PPARGC1A: variants seen among roughly 807,000 people sequenced by gnomAD.
PPARGC1A encodes peroxisome proliferator-activated receptor gamma coactivator 1-alpha.
PPARGC1A carries 25 observed loss-of-function variants against 88.7 expected under a neutral mutation model. The ratio of observed to expected loss-of-function variants is 0.28; its 90% CI spans 0.21 to 0.39. The LOEUF (loss-of-function observed/expected upper bound fraction) is 0.39, where lower values mean the gene tolerates loss of function less well. Among genes scored for constraint, PPARGC1A ranks in the 10% least tolerant of loss-of-function variants. PPARGC1A has a pLI of 1.00. For missense variants in PPARGC1A, 880 were observed against 968.7 expected, an observed-to-expected ratio of 0.91 and a Z score of 1.22; for synonymous variants, 363 against 355.6, an observed-to-expected ratio of 1.02 and a Z score of -0.24.
chr4:24,053,250 T>A, the PPARGC1A span, among the ~76,000 whole-genome samples: 1 of 151,980 alleles, frequency 6.6e-6, no homozygotes, highest in African/African-American at 2.4e-5. Flanking sequence ...AATACCTCTA[T>A]CCAGTTAACT....
the PPARGC1A span, among the ~76,000 whole-genome samples, chr4:23,936,462 C>T: frequency 4.6e-5 from 7 of 152,146 alleles, no homozygotes; most frequent in African/African-American, 1.4e-4. Flanking sequence ...TCAGAACAAG[C>T]GCAGTGGCTC....
intron 10 of PPARGC1A, among the ~76,000 whole-genome samples, chr4:23,809,463 CT>C (rs1325964041): frequency 5.3e-5 from 8 of 152,096 alleles, no homozygotes; most frequent in Admixed American, 2.6e-4. Flanking sequence ...AATTAAACGA[CT>C]AGTAGTTTCT....
chr4:24,446,682 C>T, the PPARGC1A span, among the ~76,000 whole-genome samples: 3 of 151,364 alleles, frequency 2.0e-5, no homozygotes, highest in African/African-American at 4.9e-5. Flanking sequence ...CTGCAACCTC[C>T]GCCCCCTAGG....
At chr4:24,228,137 T>C in the PPARGC1A span, among the ~76,000 whole-genome samples, 2 of 152,148 alleles carry the variant, frequency 1.3e-5, no homozygotes, top group African/African-American at 2.4e-5. Flanking sequence ...CCTGCAATGA[T>C]TGGATGGATA....
chr4:23,829,437 CT>C (rs764377521), intron 4 of PPARGC1A, 25 bp downstream of exon 4: 1,463 of 1,609,712 alleles, frequency 9.1e-4, no homozygotes, highest in Non-Finnish European at 1.1e-3. Flanking sequence ...TACATCCCCC[CT>C]GTATTAAAAA....
the PPARGC1A span, among the ~76,000 whole-genome samples, chr4:23,997,641 A>G: frequency 2.0e-5 from 3 of 151,434 alleles, no homozygotes; most frequent in East Asian, 5.9e-4. Flanking sequence ...AGCTGGTACT[A>G]CAGGTGCACA....
chr4:24,028,960 T>C, the PPARGC1A span, among the ~76,000 whole-genome samples: 1 of 152,226 alleles, frequency 6.6e-6, no homozygotes, highest in Admixed American at 6.5e-5. Context: ...CTATGACCGA[T>C]TAGAATTTTT....
intron 7 of PPARGC1A, among the ~76,000 whole-genome samples, chr4:23,822,065 T>C (rs1723101129): frequency 6.6e-6 from 1 of 152,126 alleles, no homozygotes; most frequent in Admixed American, 6.6e-5. Flanking sequence ...GTAGACAATT[T>C]TATCAGTAGT....
At chr4:23,897,484 T>A (rs935575698) in intron 1 of PPARGC1A, among the ~76,000 whole-genome samples, 4 of 152,174 alleles carry the variant, frequency 2.6e-5, no homozygotes, top group African/African-American at 9.7e-5. Context: ...GATGGCCGGA[T>A]TCAATTAAAT....
At chr4:24,159,924 T>C in the PPARGC1A span, among the ~76,000 whole-genome samples, 1 of 152,204 alleles carries the variant, frequency 6.6e-6, no homozygotes, top group African/African-American at 2.4e-5. Context: ...GGCCACTCCC[T>C]GATGAGCAAG....
At chr4:23,920,157 ACTAT>A in the PPARGC1A span, among the ~76,000 whole-genome samples, 1 of 152,344 alleles carries the variant, frequency 6.6e-6, no homozygotes, top group Admixed American at 6.5e-5. Flanking sequence ...GCTGTCAGAA[ACTAT>A]CTATTGATTT....
chr4:23,876,863 T>C (rs763859394), intron 2 of PPARGC1A, among the ~76,000 whole-genome samples: 2 of 152,064 alleles, frequency 1.3e-5, no homozygotes, highest in Non-Finnish European at 2.9e-5. Context: ...GGCCAAGTCA[T>C]TTTATGCAAG....
chr4:24,353,499 C>T, the PPARGC1A span, among the ~76,000 whole-genome samples: 1 of 152,058 alleles, frequency 6.6e-6, no homozygotes, highest in African/African-American at 2.4e-5. Flanking sequence ...TTTACTGTAG[C>T]GAAAGACTCG....
At chr4:23,877,161 GCTACAGT>G (rs1714869625) in intron 2 of PPARGC1A, among the ~76,000 whole-genome samples, 1 of 151,976 alleles carries the variant, frequency 6.6e-6, no homozygotes, top group Admixed American at 6.6e-5. Context: ...TCTCATTCTA[GCTACAGT>G]AAAGCATAGG....
chr4:23,899,931 C>T (rs749012683), upstream of PPARGC1A, among the ~76,000 whole-genome samples: 20 of 151,676 alleles, frequency 1.3e-4, no homozygotes, highest in Non-Finnish European at 2.1e-4. Context: ...TCATATACTT[C>T]GATAACAAGT....
At chr4:24,069,212 G>C in the PPARGC1A span, among the ~76,000 whole-genome samples, 2 of 152,130 alleles carry the variant, frequency 1.3e-5, no homozygotes, top group Non-Finnish European at 2.9e-5. Context: ...AGTGCCTAGA[G>C]CCAATCTCAG....
At chr4:24,242,789 C>A in the PPARGC1A span, among the ~76,000 whole-genome samples, 1 of 152,160 alleles carries the variant, frequency 6.6e-6, no homozygotes, top group Non-Finnish European at 1.5e-5. Flanking sequence ...CTCCCAGAGT[C>A]CCCAAGCTCA....
the PPARGC1A span, among the ~76,000 whole-genome samples, chr4:24,124,918 C>A: frequency 1.3e-5 from 2 of 152,056 alleles, no homozygotes; most frequent in Non-Finnish European, 1.5e-5. Context: ...CAAGAGAGCA[C>A]AAGAATTTCA....
chr4:24,098,500 A>G, the PPARGC1A span, among the ~76,000 whole-genome samples: 1 of 152,358 alleles, frequency 6.6e-6, no homozygotes, highest in Non-Finnish European at 1.5e-5. Context: ...ATAAACCAGG[A>G]AGGACTTTTT....
Sources: allele counts gnomAD v4.1 joint callset (sites outside exome capture counted in the v4.1 genomes callset), GRCh38; gene constraint gnomAD v4.1.1; transcripts MANE v1.5; gene names NCBI Gene and HGNC (gene_info 2026-07-23, HGNC 2026-07-21).